Variants in SLC22A6 observed in about 807,000 individuals in gnomAD.
SLC22A6 encodes the protein solute carrier family 22 member 6.
A neutral mutation model predicts 56.7 loss-of-function variants in SLC22A6; 45 were observed. The observed-to-expected ratio is 0.79, with a 90% CI of 0.63 to 1.02. The LOEUF (loss-of-function observed/expected upper bound fraction) is 1.02. Among genes scored for constraint, SLC22A6 ranks in the 50% least tolerant of loss-of-function variants. SLC22A6 has a pLI of 0.00. For synonymous variants in SLC22A6, 291 were observed against 295.9 expected, an observed-to-expected ratio of 0.98 and a Z score of 0.17; for missense variants, 606 against 713.8, an observed-to-expected ratio of 0.85 and a Z score of 1.72.
At position 62,977,184 on chromosome 11, in the gene SLC22A6, C is replaced by G. The variant is rs781738024; in HGVS notation, c.1565G>C (p.Arg522Thr). 6.2e-7 allele frequency: 1 copy of G among 1,614,196 alleles called. No individual in the cohort carries two copies. The highest frequency in any genetic ancestry group is 8.5e-7 in the Non-Finnish European group (1 of 1,180,046). ...TGCTTCTTTCTGAGTGGGGGCCCAC[C>G]TGCTCTCCAGGTCCTGCACCGTGTC... is the stretch of plus-strand genomic sequence containing the variant. Reference protein sequence around the residue: ...LPDTVQDLESRKGKQTRQQQE... With the variant: ...LPDTVQDLESTKGKQTRQQQE... Residue 522 changes from arginine to threonine, a missense_variant and splice_region_variant, in exon 9 of 10, where the codon AGG (arginine) becomes ACG (threonine). By Grantham distance (71) the Arg-to-Thr change is moderately conservative. Transcript: ENST00000360421.
Position 62,979,503 on chromosome 11 carries a change from T to C in SLC22A6, c.1346A>G (p.Tyr449Cys). The C allele has an allele frequency of 6.2e-7, 1 of 1,609,184 alleles. No homozygotes were observed. Among genetic ancestry groups the C allele is most frequent in the South Asian group, 1.1e-5 (1 of 90,976 alleles). The change falls in exon 8 of 10, where the codon TAT becomes TGT. Residue 449 changes from tyrosine (Y) to cysteine (C), a missense_variant. Transcript: ENST00000360421. Reference sequence around the variant, plus strand: ...TCCCACTCACCGGATCATTGTGGGATACAGTTCCCCAGTATACAGGAAGAT... The same window carrying C: ...TCCCACTCACCGGATCATTGTGGGACACAGTTCCCCAGTATACAGGAAGAT... ...NCIFLYTGEL[Y>C]PTMIRQTGMG...
rs746324669 is a variant in SLC22A6 at position 62,981,338 on chromosome 11, C to T, written c.843G>A (p.Leu281=). The T allele has an allele frequency of 6.3e-7, 1 of 1,598,318 alleles. No homozygotes were observed. Among genetic ancestry groups the T allele is most frequent in the Admixed American group, 1.7e-5 (1 of 57,498 alleles). ...TCTGCAGGGCCCTCAGGGTGAGGTC[C>T]AGCCTCCCGGAGGAGGAGTGCCAGC... ...SARWHSSSGR[L]DLTLRALQRV... is the part of the protein sequence containing the mutation. The change falls in exon 5 of 10, where the codon CTG becomes CTA. Residue 281 remains leucine, a synonymous_variant. Coordinates refer to ENST00000360421, the MANE Select transcript of SLC22A6 (RefSeq NM_153276.3).
intron 9 of SLC22A6, 68 bp from the exon 10 acceptor site, chr11:62,976,949 T>C: frequency 6.4e-7 from 1 of 1,556,676 alleles, no homozygotes; most frequent in Non-Finnish European, 8.8e-7. Flanking sequence ...ATATGGAGGC[T>C]CCCAGGGGGT....
intron 8 of SLC22A6, among the ~76,000 whole-genome samples, chr11:62,977,951 G>C (rs568447212): frequency 6.6e-6 from 1 of 152,220 alleles, no homozygotes; most frequent in Admixed American, 6.5e-5. Context: ...ATTGACTCAG[G>C]AGACATACTG....
Position 62,983,723 on chromosome 11 carries a change from C to A in SLC22A6, c.474-32G>T. 3 of 1,585,800 alleles carry A rather than the reference C, an allele frequency of 1.9e-6. No homozygotes were observed. Among genetic ancestry groups the A allele is most frequent in the Non-Finnish European group, 2.6e-6 (3 of 1,166,288 alleles). Reference sequence around the variant, plus strand: ...GAGGAGGGGAGACTTGTAGCAGGGCCCTGGAGACTGATGGGGGTCAGGCTG... The same window carrying A: ...GAGGAGGGGAGACTTGTAGCAGGGCACTGGAGACTGATGGGGGTCAGGCTG... On this transcript the variant is annotated intron_variant, in intron 2 of 9. Coordinates refer to ENST00000360421, the MANE Select transcript of SLC22A6 (RefSeq NM_153276.3). The surrounding 1 kb of genome is among the most constrained non-coding windows in gnomAD (Gnocchi z 4.5).
At position 62,984,510 on chromosome 11, in the gene SLC22A6, C is replaced by A. The variant is rs199901321; in HGVS notation, c.181G>T (p.Gly61Trp). ...CGGGGCAGCCAGACCTCCAGCCCCCCGTTCTTGCTGAGGTTGGCATCGGCA... is the reference window on the plus strand; with the variant it reads ...CGGGGCAGCCAGACCTCCAGCCCCCAGTTCTTGCTGAGGTTGGCATCGGCA... ...PPADANLSKN[G>W]GLEVWLPRDR... Residue 61 changes from glycine (G) to tryptophan (W), a missense_variant, in exon 1 of 10, where the codon GGG becomes TGG. Coordinates refer to ENST00000360421, the MANE Select transcript of SLC22A6 (RefSeq NM_153276.3). 2 of 1,613,944 alleles carry A rather than the reference C, an allele frequency of 1.2e-6. No individual in the cohort carries two copies. Among genetic ancestry groups the A allele is most frequent in the South Asian group, 1.1e-5 (1 of 91,080 alleles).
chr11:62,982,893 C>T (rs2086271087), intron 3 of SLC22A6, among the ~76,000 whole-genome samples: 3 of 152,144 alleles, frequency 2.0e-5, no homozygotes, highest in Non-Finnish European at 4.4e-5. Context: ...CTATGACAGC[C>T]CTAGGATCTC....
chr11:62,977,337 A>G lies in SLC22A6; in HGVS notation c.1412T>C (p.Val471Ala). ...GSTMARVGSI[V>A]SPLVSMTAEL... is the part of the protein sequence containing the mutation. ...GGCAGTCATGCTCACCAGTGGGCTC[A>G]CGATGCTGCCCACTCGGGCCATGGT... The change falls in exon 9 of 10, where the codon GTG becomes GCG. Residue 471 changes from valine (V) to alanine (A), a missense_variant. Coordinates refer to ENST00000360421, the MANE Select transcript of SLC22A6 (RefSeq NM_153276.3). The G allele has an allele frequency of 1.2e-6, 2 of 1,612,898 alleles. No individual in the cohort carries two copies. Among genetic ancestry groups the G allele is most frequent in the Non-Finnish European group, 8.5e-7 (1 of 1,179,582 alleles).
chr11:62,977,251 C>T lies in SLC22A6; in HGVS notation c.1498G>A (p.Val500Ile), dbSNP rs1464594994. ...AGGGTCTCTGGCAGGAGGACAGTGA[C>T]AGCGCTGGCGGCCACAGGAACAGCA... ...YGAVPVAASA[V>I]TVLLPETLGQ... is the part of the protein sequence containing the mutation. Residue 500 changes from valine to isoleucine, a missense_variant, in exon 9 of 10, where the codon GTC becomes ATC. By Grantham distance (29) the Val-to-Ile change is conservative. Transcript: ENST00000360421. The T allele has an allele frequency of 1.2e-6, 2 of 1,614,180 alleles. No homozygotes were observed. The highest frequency in any genetic ancestry group is 1.7e-6 in the Non-Finnish European group (2 of 1,180,048).
At position 62,983,448 on chromosome 11, in the gene SLC22A6, G is replaced by T; in HGVS notation, c.628+89C>A. The T allele has an allele frequency of 7.3e-7, 1 of 1,376,242 alleles. No homozygotes were observed. Among genetic ancestry groups the T allele is most frequent in the Non-Finnish European group, 1.0e-6 (1 of 1,000,310 alleles). The allele number at this position is 1,376,242 out of a possible 1,614,324, so 85.3% of individuals were successfully genotyped here. ...CGAGAGAGGCTGGAGGGCAGGCAGG[G>T]CTCAGGAGGGGCAGGCTGGGAGGGG... On this transcript the variant is annotated intron_variant, in intron 3 of 9. Coordinates refer to ENST00000360421, the MANE Select transcript of SLC22A6 (RefSeq NM_153276.3). The surrounding 1 kb of genome is among the most constrained non-coding windows in gnomAD (Gnocchi z 4.5).
In SLC22A6 at chr11:62,976,656, A is replaced by AC; in HGVS notation, c.*137dup. On this transcript the variant is annotated 3_prime_UTR_variant, in exon 10 of 10. Coordinates refer to ENST00000360421, the MANE Select transcript of SLC22A6 (RefSeq NM_153276.3). The stretch of plus-strand genomic sequence containing the variant: ...TGGTGGGGTTTATAAAGGGAGGTGG[A>AC]CCCCTGGGAAGATGCTTTCCTGAAC... 1.6e-6 allele frequency: 1 copy of AC among 636,820 alleles called. No individual in the cohort carries two copies. Among genetic ancestry groups the AC allele is most frequent in the Non-Finnish European group, 2.7e-6 (1 of 366,206 alleles). 39.4% of individuals were successfully genotyped at this position (636,820 alleles called of 1,614,324 possible). A position where few individuals can be genotyped will look rare whatever the true frequency, so the allele number is the denominator to read the frequency against.
intron 7 of SLC22A6, 29 bp from the exon 8 acceptor site, chr11:62,979,625 A>G (rs772095703): frequency 5.6e-6 from 9 of 1,598,650 alleles, no homozygotes; most frequent in Non-Finnish European, 6.9e-6. Context: ...GGATAGCAGG[A>G]GCTTGGGAGT....
Position 62,983,893 on chromosome 11 carries a change from G to C in SLC22A6, c.473+51C>G. 1 of 1,399,634 alleles carries C rather than the reference G, an allele frequency of 7.1e-7. No individual in the cohort carries two copies. 86.7% of individuals were successfully genotyped at this position (1,399,634 alleles called of 1,614,324 possible). Reference sequence around the variant, plus strand: ...CCACCTAGACACCCTGAGCCCAGCTGAGCCCCTAATCCCAGCCCAGCCCAG... The same window carrying C: ...CCACCTAGACACCCTGAGCCCAGCTCAGCCCCTAATCCCAGCCCAGCCCAG... On this transcript the variant is annotated intron_variant, in intron 2 of 9. Coordinates refer to ENST00000360421, the MANE Select transcript of SLC22A6 (RefSeq NM_153276.3). This position sits in a 1 kb window ranked among gnomAD's most constrained non-coding sequence, Gnocchi z 4.5.
chr11:62,979,795 G>T lies in SLC22A6; in HGVS notation c.1191C>A (p.Ala397=), dbSNP rs763914558. The change falls in exon 7 of 10, where the codon GCC becomes GCA. Residue 397 remains alanine, a synonymous_variant. Coordinates refer to ENST00000360421, the MANE Select transcript of SLC22A6 (RefSeq NM_153276.3). ...LVINSLGRRP[A]QMAALLLAGI... is the part of the protein sequence containing the mutation. ...CTGCCAGCAGCAGTGCAGCCATCTG[G>T]GCAGGCCGGCGACCCAGGGAGTTGA... 220 of 1,614,056 alleles carry T rather than the reference G, an allele frequency of 1.4e-4. No homozygotes were observed. The highest frequency in any genetic ancestry group is 1.8e-4 in the Non-Finnish European group (215 of 1,180,032).
Position 62,983,747 on chromosome 11 carries a change from T to G in SLC22A6, c.474-56A>C. ...CCCTGGAGACTGATGGGGGTCAGGC[T>G]GAGCCAGGAGAGGAGGGCTCACCCT... On this transcript the variant is annotated intron_variant, in intron 2 of 9. Coordinates refer to ENST00000360421, the MANE Select transcript of SLC22A6 (RefSeq NM_153276.3). The surrounding 1 kb of genome is among the most constrained non-coding windows in gnomAD (Gnocchi z 4.5). 6.5e-7 allele frequency: 1 copy of G among 1,540,228 alleles called. No individual in the cohort carries two copies.
chr11:62,982,130 T>C, intron 3 of SLC22A6, 120 bp from the exon 4 acceptor site: 1 of 932,100 alleles, frequency 1.1e-6, no homozygotes, highest in African/African-American at 1.7e-5. Context: ...ATCGAGTAAG[T>C]TGAGTGCCAG....
Position 62,984,450 on chromosome 11 carries a change from A to G in SLC22A6, c.241T>C (p.Phe81Leu), listed in dbSNP as rs1212228005. 3 of 1,613,778 alleles carry G rather than the reference A, an allele frequency of 1.9e-6. No individual in the cohort carries two copies. The African/African-American group carries it at 4.0e-5, about 22-fold the overall frequency. Residue 81 changes from phenylalanine (F) to leucine (L), a missense_variant, in exon 1 of 10, where the codon TTC becomes CTC. Phe to Leu is a conservative substitution (Grantham distance 22). Coordinates refer to ENST00000360421, the MANE Select transcript of SLC22A6 (RefSeq NM_153276.3). ...RQGQPESCLR[F>L]TSPQWGLPFL... ...GGCAGTCCCCACTGCGGGGAGGTGA[A>G]GCGGAGGCAGGACTCAGGCTGCCCC...
chr11:62,981,432 A>AG, intron 4 of SLC22A6, 49 bp from the exon 5 acceptor site: 1 of 384,916 alleles, frequency 2.6e-6, no homozygotes, highest in Non-Finnish European at 3.6e-6. Context: ...AGTTCCAGTC[A>AG]GCTGGGTGGG....
chr11:62,983,266 G>A lies in SLC22A6; in HGVS notation c.628+271C>T, dbSNP rs2086275520. ...TCACCATGTTAGCCAGGATGGTCTC[G>A]ATCTCCTGACCTCGTGATCTGCCCG... On this transcript the variant is annotated intron_variant, in intron 3 of 9. Transcript: ENST00000360421. This position sits in a 1 kb window ranked among gnomAD's most constrained non-coding sequence, Gnocchi z 4.5. Among the ~76,000 whole-genome samples the A allele has an allele frequency of 6.6e-6, 1 of 152,084 alleles. No homozygotes were observed. The highest frequency in any genetic ancestry group is 1.5e-5 in the Non-Finnish European group (1 of 68,024).
Sources: allele counts gnomAD v4.1 joint callset (sites outside exome capture counted in the v4.1 genomes callset), GRCh38; gene constraint gnomAD v4.1.1; non-coding constraint Gnocchi (gnomAD v3.1); transcripts MANE v1.5; gene names NCBI Gene and HGNC (gene_info 2026-07-23, HGNC 2026-07-21).